Variants in ATRX observed in about 807,000 individuals in gnomAD.
The protein encoded by ATRX is chromatin remodeler ATRX.
Under a neutral mutation model 172.6 loss-of-function variants are expected in ATRX, and 12 were observed. The ratio of observed to expected loss-of-function variants is 0.07; its 90% CI spans 0.04 to 0.11. The LOEUF (loss-of-function observed/expected upper bound fraction) is 0.11. Among genes scored for constraint, ATRX ranks in the 10% least tolerant of loss-of-function variants. The pLI is 1.00. For missense variants in ATRX, 1,368 were observed against 1,767.4 expected (o/e 0.77, Z 4.05); for synonymous variants, 674 against 594.7 (o/e 1.13, Z -1.94).
intron 16 of ATRX, among the ~76,000 whole-genome samples, chrX:77,635,455 G>A (rs1455984633): frequency 9.0e-6 from 1 of 111,084 alleles, no homozygotes; most frequent in Non-Finnish European, 1.9e-5. Context: ...GCAAGAAAGG[G>A]GACTAGCAAC....
intron 28 of ATRX, among the ~76,000 whole-genome samples, chrX:77,565,774 T>C (rs1404912597): frequency 9.1e-6 from 1 of 110,448 alleles, no homozygotes; most frequent in African/African-American, 3.3e-5. Context: ...GAGAATTGCT[T>C]GAACCTGGAA....
chrX:77,543,949 G>C (rs1336865929), intron 30 of ATRX, among the ~76,000 whole-genome samples: 1 of 59,327 alleles, frequency 1.7e-5, no homozygotes, highest in Admixed American at 2.2e-4. Context: ...CCAGAACTTA[G>C]AATATTAAAT....
intron 8 of ATRX, 83 bp from the exon 9 acceptor site, chrX:77,684,676 T>C: frequency 9.7e-7 from 1 of 1,035,237 alleles, no homozygotes; most frequent in Non-Finnish European, 1.3e-6. Context: ...ATAAACATTA[T>C]TCCCAACAAA....
chrX:77,682,534 G>A lies in ATRX; in HGVS notation c.2722C>T (p.Leu908Phe), dbSNP rs2071276186. Residue 908 changes from leucine to phenylalanine, a missense_variant, in exon 9 of 35, where the codon CTT becomes TTT. Coordinates refer to ENST00000373344, the MANE Select transcript of ATRX (RefSeq NM_000489.6). ...DTTIMELRDR[L>F]PKKQQASAST... ...GCACTTGCTTGCTGCTTCTTAGGAAGTCGATCTCTTAATTCCATGATGGTC... is the reference window on the plus strand; with the variant it reads ...GCACTTGCTTGCTGCTTCTTAGGAAATCGATCTCTTAATTCCATGATGGTC... 2.5e-6 allele frequency: 3 copies of A among 1,211,434 alleles called. No homozygotes were observed. Among genetic ancestry groups the A allele is most frequent in the Non-Finnish European group, 3.4e-6 (3 of 895,390 alleles).
At chrX:77,759,531 C>G (rs1034406350) in intron 1 of ATRX, among the ~76,000 whole-genome samples, 1 of 109,828 alleles carries the variant, frequency 9.1e-6, no homozygotes, top group Non-Finnish European at 1.9e-5. Context: ...CTGGCCAACA[C>G]AGAGAAACCC....
At chrX:77,529,527 T>C (rs1272439286) in intron 30 of ATRX, among the ~76,000 whole-genome samples, 2 of 110,870 alleles carry the variant, frequency 1.8e-5, no homozygotes, top group Non-Finnish European at 3.8e-5. Flanking sequence ...TAAAAGAAAT[T>C]CCAGCCCAGA....
intron 34 of ATRX, among the ~76,000 whole-genome samples, chrX:77,514,782 G>T (rs1192341816): frequency 1.8e-5 from 2 of 112,327 alleles, no homozygotes; most frequent in African/African-American, 6.5e-5. Context: ...ACTCTGCACA[G>T]CAGAGCTTCT....
At chrX:77,530,503 G>C (rs2063538483) in intron 30 of ATRX, among the ~76,000 whole-genome samples, 1 of 111,161 alleles carries the variant, frequency 9.0e-6, no homozygotes, top group African/African-American at 3.3e-5. Flanking sequence ...CAGCTACCTG[G>C]GAGGCTGAGG....
chrX:77,728,745 A>ATTTCT (rs1395993363), intron 1 of ATRX, among the ~76,000 whole-genome samples: 4 of 94,495 alleles, frequency 4.2e-5, no homozygotes, highest in Non-Finnish European at 6.3e-5. Flanking sequence ...GTAAGAAAGT[A>ATTTCT]TTTCTTTTCT....
rs2071263511 is a variant in ATRX at position 77,682,377 on chromosome X, C to G, written c.2879G>C (p.Gly960Ala). 1 of 1,211,226 alleles carries G rather than the reference C, an allele frequency of 8.3e-7. No individual in the cohort carries two copies. Among genetic ancestry groups the G allele is most frequent in the Non-Finnish European group, 1.1e-6 (1 of 895,308 alleles). The change falls in exon 9 of 35, where the codon GGC (glycine) becomes GCC (alanine). Residue 960 changes from glycine to alanine, a missense_variant. Transcript: ENST00000373344. The stretch of plus-strand genomic sequence containing the variant: ...GAATTTCTCTGCAATATCAGATAAG[C>G]CATCCTGTACTTTTTTACATGTTTT... ...KTKTCKKVQD[G>A]LSDIAEKFLK...
intron 1 of ATRX, among the ~76,000 whole-genome samples, chrX:77,750,862 A>G (rs1557187271): frequency 9.0e-6 from 1 of 111,589 alleles, no homozygotes; most frequent in Non-Finnish European, 1.9e-5. Context: ...CACGAACTCA[A>G]TCTTTTTTAT....
At chrX:77,538,673 C>T (rs1245767206) in intron 30 of ATRX, among the ~76,000 whole-genome samples, 2 of 111,606 alleles carry the variant, frequency 1.8e-5, no homozygotes, top group African/African-American at 6.5e-5. Flanking sequence ...AAGAACACCT[C>T]TCATTACCTA....
chrX:77,696,723 C>A lies in ATRX; in HGVS notation c.243-19G>T. The A allele has an allele frequency of 8.5e-7, 1 of 1,182,745 alleles. No individual in the cohort carries two copies. The highest frequency in any genetic ancestry group is 1.1e-6 in the Non-Finnish European group (1 of 871,179). ...AGGTTTCCTATGAAAGAATTAAGTT[C>A]ATAGAATTATGAATGTTTCTGACAA... is the stretch of plus-strand genomic sequence containing the variant. On this transcript the variant is annotated intron_variant, in intron 4 of 34. Transcript: ENST00000373344.
At chrX:77,522,217 A>G in intron 32 of ATRX, 46 bp downstream of exon 32, 3 of 1,206,390 alleles carry the variant, frequency 2.5e-6, no homozygotes, top group Non-Finnish European at 3.4e-6. Context: ...GGCACTTGAA[A>G]TTGCCTTTAA....
At chrX:77,747,354 T>C (rs1382432337) in intron 1 of ATRX, among the ~76,000 whole-genome samples, 1 of 109,492 alleles carries the variant, frequency 9.1e-6, no homozygotes, top group Non-Finnish European at 1.9e-5. Context: ...TGAAACCCCA[T>C]CTCTACTAAA....
intron 13 of ATRX, among the ~76,000 whole-genome samples, chrX:77,655,235 C>T (rs1246509879): frequency 9.1e-6 from 1 of 110,475 alleles, no homozygotes; most frequent in African/African-American, 3.3e-5. Flanking sequence ...CTTAACACTA[C>T]TAAGCCATAC....
intron 30 of ATRX, among the ~76,000 whole-genome samples, chrX:77,553,545 C>T (rs2064643549): frequency 8.9e-6 from 1 of 111,812 alleles, no homozygotes; most frequent in Non-Finnish European, 1.9e-5. Context: ...CCAGTCTTTA[C>T]TTTTACCTCT....
intron 15 of ATRX, among the ~76,000 whole-genome samples, chrX:77,651,659 ACCAG>A (rs2069248579): frequency 9.0e-6 from 1 of 111,267 alleles, no homozygotes; most frequent in African/African-American, 3.3e-5. Context: ...GGAGCACAAG[ACCAG>A]CCTGGCCAAC....
chrX:77,590,981 T>G (rs1442333935), intron 26 of ATRX, among the ~76,000 whole-genome samples: 2 of 112,421 alleles, frequency 1.8e-5, no homozygotes, highest in African/African-American at 3.2e-5. Flanking sequence ...ATTACAAGTA[T>G]TTCAGTAATT....
Sources: gnomAD v4.1 joint callset for allele counts (sites outside exome capture counted in the v4.1 genomes callset) on GRCh38, gnomAD v4.1.1 for gene constraint, MANE v1.5 for transcripts, NCBI Gene and HGNC (gene_info 2026-07-23, HGNC 2026-07-21) for gene names.